GPC6: variants seen among roughly 807,000 people sequenced by gnomAD.
GPC6 encodes the protein glypican 6.
GPC6 carries 14 observed loss-of-function variants against 55.2 expected under a neutral mutation model. The ratio of observed to expected loss-of-function variants is 0.25; its 90% CI spans 0.17 to 0.40. The LOEUF is 0.40. Ranked by LOEUF, GPC6 falls within the 10% of genes least tolerant of loss-of-function variation. GPC6 has a pLI of 1.00. For synonymous variants in GPC6, 278 were observed against 259.6 expected (o/e 1.07, Z -0.68); for missense variants, 641 against 708.5 (o/e 0.90, Z 1.08).
Position 94,147,511 on chromosome 13 carries a change from A to G in GPC6, c.877+119617A>G, listed in dbSNP as rs74595580. ...AGTTGTAGCATTGTTTTGAAGGTTG[A>G]GTAAGATGATGCATATACCATGCTT... On this transcript the variant is annotated intron_variant, in intron 4 of 8. Transcript: ENST00000377047. Among the ~76,000 whole-genome samples, 980 of 152,298 alleles carry G rather than the reference A, an allele frequency of 6.4e-3. 13 individuals carry two copies. The highest frequency in any genetic ancestry group is 0.022 in the African/African-American group (926 of 41,566).
chr13:93,608,354 C>G (rs1878330042), intron 2 of GPC6, among the ~76,000 whole-genome samples: 1 of 151,662 alleles, frequency 6.6e-6, no homozygotes, highest in African/African-American at 2.4e-5. Flanking sequence ...ATTTCTTATT[C>G]TAAAGAGCAT....
chr13:93,909,447 C>T (rs552345029), intron 3 of GPC6, among the ~76,000 whole-genome samples: 3 of 152,092 alleles, frequency 2.0e-5, no homozygotes, highest in South Asian at 4.2e-4. Context: ...GTATCACACA[C>T]ACATACACAA....
At chr13:93,286,414 A>G (rs569840185) in intron 1 of GPC6, among the ~76,000 whole-genome samples, 2 of 152,322 alleles carry the variant, frequency 1.3e-5, no homozygotes, top group East Asian at 3.9e-4. Context: ...GTGAGCTCAG[A>G]GAAGCAGTCC....
intron 2 of GPC6, among the ~76,000 whole-genome samples, chr13:93,790,017 C>A (rs181977707): frequency 2.6e-5 from 4 of 152,012 alleles, no homozygotes; most frequent in Non-Finnish European, 5.9e-5. Context: ...TTTATAAAAT[C>A]GGTCAATTGA....
chr13:93,815,742 C>T (rs1594481034), intron 2 of GPC6, among the ~76,000 whole-genome samples: 1 of 152,094 alleles, frequency 6.6e-6, no homozygotes, highest in Non-Finnish European at 1.5e-5. Flanking sequence ...TACTTTGTCT[C>T]ATTATGTAAC....
At chr13:93,582,904 G>A (rs982553185) in intron 2 of GPC6, among the ~76,000 whole-genome samples, 11 of 152,328 alleles carry the variant, frequency 7.2e-5, no homozygotes, top group East Asian at 1.9e-4. Context: ...AGACAGTTGT[G>A]CAGTTTTCCT....
chr13:93,957,934 T>C (rs773131452), intron 3 of GPC6, among the ~76,000 whole-genome samples: 8 of 152,220 alleles, frequency 5.3e-5, no homozygotes, highest in Non-Finnish European at 1.2e-4. Flanking sequence ...CATCTCATTG[T>C]GGTTTTGATT....
chr13:93,828,291 G>C (rs978217269), intron 2 of GPC6, among the ~76,000 whole-genome samples: 1 of 151,818 alleles, frequency 6.6e-6, no homozygotes, highest in Non-Finnish European at 1.5e-5. Flanking sequence ...CCCTGTTCCT[G>C]TATCAGCAAG....
intron 3 of GPC6, among the ~76,000 whole-genome samples, chr13:93,860,602 G>A (rs960304311): frequency 2.0e-5 from 3 of 151,608 alleles, no homozygotes; most frequent in Non-Finnish European, 4.4e-5. Context: ...ATCCTTGGAT[G>A]TGATGATGGA....
intron 2 of GPC6, among the ~76,000 whole-genome samples, chr13:93,719,833 G>A (rs888598928): frequency 1.3e-5 from 2 of 152,064 alleles, no homozygotes; most frequent in East Asian, 3.9e-4. Context: ...TGCATCTATT[G>A]AGATAATCAT....
intron 2 of GPC6, among the ~76,000 whole-genome samples, chr13:93,610,419 A>T (rs1450238124): frequency 6.6e-6 from 1 of 152,200 alleles, no homozygotes; most frequent in Non-Finnish European, 1.5e-5. Context: ...CATTTATTCA[A>T]GGAACATTCA....
At chr13:94,330,124 T>C (rs1469070463) in intron 6 of GPC6, among the ~76,000 whole-genome samples, 2 of 152,228 alleles carry the variant, frequency 1.3e-5, no homozygotes, top group African/African-American at 4.8e-5. Context: ...GATAACTCCC[T>C]GCATAAGTTT....
At chr13:94,105,343 A>G (rs1241753294) in intron 4 of GPC6, among the ~76,000 whole-genome samples, 1 of 100,926 alleles carries the variant, frequency 9.9e-6, no homozygotes, top group African/African-American at 3.9e-5. Flanking sequence ...TGAACAATAG[A>G]GCAAATAGAG....
intron 3 of GPC6, among the ~76,000 whole-genome samples, chr13:93,999,661 G>A (rs59642237): frequency 6.6e-6 from 1 of 151,978 alleles, no homozygotes; most frequent in African/African-American, 2.4e-5. Context: ...CCATTGTGTC[G>A]ACCACATTTT....
intron 1 of GPC6, among the ~76,000 whole-genome samples, chr13:93,519,516 G>A (rs1397614693): frequency 1.3e-5 from 2 of 151,992 alleles, no homozygotes; most frequent in Non-Finnish European, 2.9e-5. Context: ...CTGAGTTGAT[G>A]AAGGGAAAAA....
intron 4 of GPC6, among the ~76,000 whole-genome samples, chr13:94,089,149 T>C (rs575806399): frequency 2.6e-5 from 4 of 152,168 alleles, no homozygotes; most frequent in Admixed American, 2.6e-4. Context: ...TGTACAGTAA[T>C]CCAGGAGCTG....
At chr13:93,496,439 T>C (rs982808323) in intron 1 of GPC6, among the ~76,000 whole-genome samples, 2 of 152,150 alleles carry the variant, frequency 1.3e-5, no homozygotes, top group Admixed American at 1.3e-4. Flanking sequence ...ATGAACCCAT[T>C]ACCTCAGATG....
At chr13:93,610,421 G>A (rs1032341319) in intron 2 of GPC6, among the ~76,000 whole-genome samples, 1 of 152,122 alleles carries the variant, frequency 6.6e-6, no homozygotes, top group Non-Finnish European at 1.5e-5. Context: ...TTTATTCAAG[G>A]AACATTCACT....
chr13:94,030,062 G>A (rs554164207), intron 4 of GPC6, among the ~76,000 whole-genome samples: 2 of 151,432 alleles, frequency 1.3e-5, no homozygotes, highest in African/African-American at 2.4e-5. Context: ...GAGTGCGATG[G>A]CACGATCTCG....
Sources: gnomAD v4.1 joint callset for allele counts (sites outside exome capture counted in the v4.1 genomes callset) on GRCh38, gnomAD v4.1.1 for gene constraint, MANE v1.5 for transcripts, NCBI Gene and HGNC (gene_info 2026-07-23, HGNC 2026-07-21) for gene names.